NEDD8: variants seen among roughly 807,000 people sequenced by gnomAD.
The protein encoded by NEDD8 is ubiquitin-like protein NEDD8.
Under a neutral mutation model 13.8 loss-of-function variants are expected in NEDD8, and 1 was observed. The ratio of observed to expected loss-of-function variants is 0.07; its 90% CI spans 0.03 to 0.34. The LOEUF is 0.34. NEDD8 is among the 10% of genes least tolerant of loss of function. The pLI, the probability that NEDD8 is intolerant of heterozygous loss-of-function variation, is 0.99. For missense variants in NEDD8, 10 were observed against 95.2 expected, an observed-to-expected ratio of 0.10 and a Z score of 3.73; for synonymous variants, 31 against 33.2, an observed-to-expected ratio of 0.93 and a Z score of 0.23.
At chr14:24,226,271 C>G (rs937310313) in intron 1 of NEDD8, among the ~76,000 whole-genome samples, 1 of 151,928 alleles carries the variant, frequency 6.6e-6, no homozygotes, top group Non-Finnish European at 1.5e-5. Flanking sequence ...GCAGGTGGAT[C>G]ACTTGAGGTC....
chr14:24,232,152 G>T, intron 1 of NEDD8, 98 bp downstream of exon 1: 1 of 1,590,864 alleles, frequency 6.3e-7, no homozygotes, highest in Non-Finnish European at 8.6e-7. Flanking sequence ...CGTCCTCCAG[G>T]CTAGGGAAAG....
At chr14:24,227,328 G>C (rs893452692) in intron 1 of NEDD8, 41 of 152,288 alleles carry the variant, frequency 2.7e-4, no homozygotes, top group African/African-American at 7.7e-4. Context: ...TGAAGGATCT[G>C]GGGTTAGGGA....
intron 1 of NEDD8, among the ~76,000 whole-genome samples, chr14:24,221,283 C>G (rs1173670411): frequency 6.9e-6 from 1 of 145,868 alleles, no homozygotes; most frequent in Non-Finnish European, 1.5e-5. Context: ...AATTATTTCA[C>G]TTTCTTTTTT....
intron 1 of NEDD8, among the ~76,000 whole-genome samples, chr14:24,223,923 A>G (rs1233259898): frequency 1.3e-5 from 2 of 150,456 alleles, no homozygotes; most frequent in African/African-American, 4.9e-5. Context: ...TGTATTTTTT[A>G]TTATTTTTAT....
At chr14:24,221,559 C>T (rs2039810430) in intron 1 of NEDD8, among the ~76,000 whole-genome samples, 1 of 150,954 alleles carries the variant, frequency 6.6e-6, no homozygotes, top group Non-Finnish European at 1.5e-5. Context: ...GGATTATAGG[C>T]ATGAGCCACC....
chr14:24,217,397 C>T (rs906132118), intron 3 of NEDD8, among the ~76,000 whole-genome samples, 174 bp from the exon 4 acceptor site: 1 of 152,156 alleles, frequency 6.6e-6, no homozygotes, highest in African/African-American at 2.4e-5. Flanking sequence ...TCAAGCAATT[C>T]TCCTGCTTCA....
chr14:24,232,139 C>T (rs974475499), intron 1 of NEDD8, 111 bp downstream of exon 1: 1 of 1,560,546 alleles, frequency 6.4e-7, no homozygotes, highest in Non-Finnish European at 8.7e-7. Context: ...CTGAGGCAGT[C>T]AGCGTCCTCC....
intron 1 of NEDD8, among the ~76,000 whole-genome samples, chr14:24,231,314 CT>C (rs750758409): frequency 2.0e-5 from 3 of 152,110 alleles, no homozygotes; most frequent in Non-Finnish European, 4.4e-5. Flanking sequence ...AATACTAGAC[CT>C]CAAATCTTAG....
At chr14:24,226,090 G>C (rs2039886252) in intron 1 of NEDD8, among the ~76,000 whole-genome samples, 1 of 150,898 alleles carries the variant, frequency 6.6e-6, no homozygotes, top group South Asian at 2.1e-4. Flanking sequence ...CTAGGCACTG[G>C]AGGAAATACA....
chr14:24,232,138 T>G (rs907362758), intron 1 of NEDD8, 112 bp downstream of exon 1: 43 of 1,556,942 alleles, frequency 2.8e-5, no homozygotes, highest in Non-Finnish European at 3.5e-5. Flanking sequence ...CCTGAGGCAG[T>G]CAGCGTCCTC....
chr14:24,223,982 C>CA (rs1305202400), intron 1 of NEDD8, among the ~76,000 whole-genome samples: 4 of 152,096 alleles, frequency 2.6e-5, no homozygotes, highest in Non-Finnish European at 5.9e-5. Flanking sequence ...GGCTGGAGTG[C>CA]AGTAGCACGA....
intron 1 of NEDD8, among the ~76,000 whole-genome samples, chr14:24,219,475 CAAAAAAAA>C (rs59964484): frequency 9.3e-4 from 31 of 33,380 alleles, no homozygotes; most frequent in South Asian, 3.4e-3. Flanking sequence ...AACACCCTCG[CAAAAAAAA>C]AAAAAAAAAA....
chr14:24,232,340 A>G lies in NEDD8; in HGVS notation c.-73T>C, dbSNP rs561332417. On this transcript the variant is annotated 5_prime_UTR_variant, in exon 1 of 4. Coordinates refer to ENST00000250495, the MANE Select transcript of NEDD8 (RefSeq NM_006156.3). The stretch of plus-strand genomic sequence containing the variant: ...GCTCCGGTCGCCGCTGCCGCCCTCC[A>G]GCACTCTTGCCTGCAAGGGCCACTT... 4.0e-6 allele frequency: 6 copies of G among 1,485,654 alleles called. No homozygotes were observed. The highest frequency in any genetic ancestry group is 4.5e-6 in the Non-Finnish European group (5 of 1,106,102). The allele number at this position is 1,485,654 out of a possible 1,614,324, so 92.0% of individuals were successfully genotyped here.
At chr14:24,225,856 T>C (rs776780260) in intron 1 of NEDD8, among the ~76,000 whole-genome samples, 35 of 151,702 alleles carry the variant, frequency 2.3e-4, no homozygotes, top group Non-Finnish European at 4.4e-4. Flanking sequence ...CTGGATAACA[T>C]GATGAAAACT....
At chr14:24,226,329 C>CA (rs1168691482) in intron 1 of NEDD8, among the ~76,000 whole-genome samples, 1 of 149,286 alleles carries the variant, frequency 6.7e-6, no homozygotes, top group Admixed American at 6.7e-5. Context: ...CTGTCTCTAC[C>CA]AAAAATACAA....
At chr14:24,230,750 T>G (rs1478470681) in intron 1 of NEDD8, among the ~76,000 whole-genome samples, 2 of 151,272 alleles carry the variant, frequency 1.3e-5, no homozygotes, top group Admixed American at 1.3e-4. Flanking sequence ...TCCGAGTAGC[T>G]GGGATTATAG....
rs536936250 is a variant in NEDD8 at position 24,231,228 on chromosome 14, C to T, written c.18+1022G>A. On this transcript the variant is annotated intron_variant, in intron 1 of 3. Coordinates refer to ENST00000250495, the MANE Select transcript of NEDD8 (RefSeq NM_006156.3). The stretch of plus-strand genomic sequence containing the variant: ...TTAATGGCGCCAGTGACCCATTCAC[C>T]TATTAAATTGATGTTACGACTCTTA... 2.0e-5 allele frequency among the ~76,000 whole-genome samples: 3 copies of T among 152,236 alleles called. No individual in the cohort carries two copies. The East Asian group carries it at 5.8e-4, about 29-fold the overall frequency.
intron 1 of NEDD8, among the ~76,000 whole-genome samples, chr14:24,226,222 TG>T (rs1467560825): frequency 6.6e-6 from 1 of 152,066 alleles, no homozygotes; most frequent in Non-Finnish European, 1.5e-5. Context: ...CTGGGCACAG[TG>T]GCTCACGCTT....
intron 1 of NEDD8, among the ~76,000 whole-genome samples, chr14:24,230,846 C>T (rs995091368): frequency 8.6e-5 from 13 of 151,984 alleles, no homozygotes; most frequent in South Asian, 2.1e-4. Context: ...TTGAACTCCT[C>T]ACCTTAGGTG....
Sources: allele counts gnomAD v4.1 joint callset (sites outside exome capture counted in the v4.1 genomes callset), GRCh38; gene constraint gnomAD v4.1.1; transcripts MANE v1.5; gene names NCBI Gene and HGNC (gene_info 2026-07-23, HGNC 2026-07-21).